The following ACVR1C variants were observed in gnomAD, a reference collection of about 807,000 sequenced individuals.
The protein encoded by ACVR1C is activin A receptor type 1C, also known as activin receptor type-1C.
Under a neutral mutation model 57.9 loss-of-function variants are expected in ACVR1C, and 23 were observed. That is an observed-to-expected ratio of 0.40 (90% CI 0.29 to 0.56). The LOEUF (loss-of-function observed/expected upper bound fraction) is 0.56, where lower values mean the gene tolerates loss of function less well. ACVR1C is among the 20% of genes least tolerant of loss of function. ACVR1C has a pLI of 0.50. For missense variants in ACVR1C, 480 were observed against 607.9 expected, an observed-to-expected ratio of 0.79 and a Z score of 2.21; for synonymous variants, 214 against 215.3, an observed-to-expected ratio of 0.99 and a Z score of 0.05.
intron 2 of ACVR1C, among the ~76,000 whole-genome samples, chr2:157,577,822 T>C (rs949414201): frequency 1.3e-5 from 2 of 152,170 alleles, no homozygotes; most frequent in African/African-American, 4.8e-5. Context: ...CTTCCTTTTC[T>C]CTCTTTTCTT....
intron 2 of ACVR1C, among the ~76,000 whole-genome samples, chr2:157,575,650 C>A (rs1192420768): frequency 6.6e-6 from 1 of 152,176 alleles, no homozygotes; most frequent in Non-Finnish European, 1.5e-5. Context: ...AGTTATATTA[C>A]CACATTTAGC....
chr2:157,563,725 G>A (rs1200077994), intron 2 of ACVR1C, among the ~76,000 whole-genome samples: 2 of 152,138 alleles, frequency 1.3e-5, no homozygotes, highest in Non-Finnish European at 2.9e-5. Flanking sequence ...TATACTGCAA[G>A]GCTACAGTAA....
At position 157,602,293 on chromosome 2, in the gene ACVR1C, A is replaced by C. The variant is rs564552300; in HGVS notation, c.74-14876T>G. On this transcript the variant is annotated intron_variant, in intron 1 of 8. Coordinates refer to ENST00000243349, the MANE Select transcript of ACVR1C (RefSeq NM_145259.3). ...CAAAGTAGATGAACAGAGAAAGAAAAGCTATCAATAAACATGAAAAATTTA... is the reference window on the plus strand; with the variant it reads ...CAAAGTAGATGAACAGAGAAAGAAACGCTATCAATAAACATGAAAAATTTA... Among the ~76,000 whole-genome samples, 3 of 152,348 alleles carry C rather than the reference A, an allele frequency of 2.0e-5. No homozygotes were observed. The South Asian group carries it at 6.2e-4, about 32-fold the overall frequency.
chr2:157,572,642 C>A (rs1184652414), intron 2 of ACVR1C, among the ~76,000 whole-genome samples: 3 of 152,098 alleles, frequency 2.0e-5, no homozygotes, highest in Non-Finnish European at 2.9e-5. Flanking sequence ...GTAAACTTTG[C>A]TTTCAATTTC....
At chr2:157,591,676 C>T (rs1460384936) in intron 1 of ACVR1C, among the ~76,000 whole-genome samples, 1 of 151,966 alleles carries the variant, frequency 6.6e-6, no homozygotes, top group Non-Finnish European at 1.5e-5. Context: ...GCTCTATTTC[C>T]AAGAAAAGCT....
At chr2:157,589,850 C>T (rs1013905190) in intron 1 of ACVR1C, among the ~76,000 whole-genome samples, 9 of 151,898 alleles carry the variant, frequency 5.9e-5, no homozygotes, top group Admixed American at 2.6e-4. Flanking sequence ...ACCAATGAAA[C>T]AGATTAGAGA....
intron 1 of ACVR1C, among the ~76,000 whole-genome samples, chr2:157,622,385 C>T (rs1682798616): frequency 6.6e-6 from 1 of 152,066 alleles, no homozygotes; most frequent in Non-Finnish European, 1.5e-5. Flanking sequence ...GCTACAGTAA[C>T]CAAAACAGCA....
Position 157,576,835 on chromosome 2 carries a change from CTTTTTTTTTTTTT to C in ACVR1C, c.304+10339_304+10351del, listed in dbSNP as rs1166673398. On this transcript the variant is annotated intron_variant, in intron 2 of 8. Transcript: ENST00000243349. ...AGAGCCTTTTGGGCTTTGAAATTTT[CTTTTTTTTTTTTT>C]TTTTTTTTTTTTTTTTTGAGACGGA... Among the ~76,000 whole-genome samples, 18 of 41,722 alleles carry C rather than the reference CTTTTTTTTTTTTT, an allele frequency of 4.3e-4. 1 individual carries two copies. The highest frequency in any genetic ancestry group is 2.2e-3 in the African/African-American group (16 of 7,322). The allele number at this position is 41,722 out of a possible 152,430, so 27.4% of individuals were successfully genotyped here. A position where few individuals can be genotyped will look rare whatever the true frequency, so the allele number is the denominator to read the frequency against.
rs1687336813 is a variant in ACVR1C at position 157,530,896 on chromosome 2, CA to C, written c.*3021del. 6.6e-6 allele frequency: 1 copy of C among 152,038 alleles called. No homozygotes were observed. Among genetic ancestry groups the C allele is most frequent in the Non-Finnish European group, 1.5e-5 (1 of 67,936 alleles). The allele number at this position is 152,038 out of a possible 1,614,324, so 9.4% of individuals were successfully genotyped here. ...CAAGTTCATGCTGAAATACTGACAA[CA>C]AATAATGTTTCTCTTATTTTCAGAA... On this transcript the variant is annotated 3_prime_UTR_variant, in exon 9 of 9. Transcript: ENST00000243349.
chr2:157,541,280 A>G, intron 6 of ACVR1C, 66 bp from the exon 7 acceptor site: 1 of 1,496,032 alleles, frequency 6.7e-7, no homozygotes, highest in South Asian at 1.3e-5. Context: ...AACAATCTTA[A>G]TAAATTAAGA....
intron 2 of ACVR1C, among the ~76,000 whole-genome samples, chr2:157,564,445 T>C (rs1688312283): frequency 6.6e-6 from 1 of 152,046 alleles, no homozygotes; most frequent in African/African-American, 2.4e-5. Flanking sequence ...GATTATGAAG[T>C]CAAGAAACAA....
intron 1 of ACVR1C, among the ~76,000 whole-genome samples, chr2:157,592,568 G>C (rs539719500): frequency 1.3e-5 from 2 of 152,050 alleles, no homozygotes; most frequent in Non-Finnish European, 2.9e-5. Context: ...AGGACTGACA[G>C]CGAACAAACA....
chr2:157,626,295 G>T (rs1456480053), intron 1 of ACVR1C, among the ~76,000 whole-genome samples: 2 of 152,150 alleles, frequency 1.3e-5, no homozygotes, highest in East Asian at 1.9e-4. Context: ...TTCCAGTCCA[G>T]ACCAATAAAC....
chr2:157,563,830 G>A (rs1688297124), intron 2 of ACVR1C, among the ~76,000 whole-genome samples: 1 of 152,162 alleles, frequency 6.6e-6, no homozygotes, highest in Admixed American at 6.5e-5. Flanking sequence ...ACAACCATCT[G>A]ATCTTTGACA....
chr2:157,554,237 A>G (rs866662840), intron 3 of ACVR1C, among the ~76,000 whole-genome samples: 13 of 134,680 alleles, frequency 9.7e-5, no homozygotes, highest in South Asian at 2.3e-4. Flanking sequence ...GAAAGAAAGA[A>G]AGAAAGAAAG....
chr2:157,534,166 G>A (rs1397145793), intron 8 of ACVR1C, 123 bp from the exon 9 acceptor site: 1 of 821,184 alleles, frequency 1.2e-6, no homozygotes, highest in Non-Finnish European at 1.7e-6. Flanking sequence ...AAGAGATGGG[G>A]TCTTGCTATG....
intron 2 of ACVR1C, among the ~76,000 whole-genome samples, chr2:157,576,264 G>A (rs536042529): frequency 7.3e-6 from 1 of 137,212 alleles, no homozygotes; most frequent in East Asian, 2.2e-4. Flanking sequence ...GGAGTGCAAT[G>A]GCGCAATCTC....
intron 2 of ACVR1C, among the ~76,000 whole-genome samples, chr2:157,567,981 C>T (rs1375366099): frequency 7.4e-6 from 1 of 134,590 alleles, no homozygotes; most frequent in African/African-American, 2.7e-5. Flanking sequence ...GTCGGGTTAC[C>T]CTCAAAGGAA....
At chr2:157,598,047 C>T (rs1436494802) in intron 1 of ACVR1C, among the ~76,000 whole-genome samples, 1 of 152,022 alleles carries the variant, frequency 6.6e-6, no homozygotes, top group Non-Finnish European at 1.5e-5. Flanking sequence ...TCCTATTGGT[C>T]TTATAGCTGT....
Sources: gnomAD v4.1 joint callset for allele counts (sites outside exome capture counted in the v4.1 genomes callset) on GRCh38, gnomAD v4.1.1 for gene constraint, MANE v1.5 for transcripts, NCBI Gene and HGNC (gene_info 2026-07-23, HGNC 2026-07-21) for gene names.